Variants in PRKD1 observed in about 807,000 individuals in gnomAD.
The protein encoded by PRKD1 is protein kinase D1.
PRKD1 carries 63 observed loss-of-function variants against 95.9 expected under a neutral mutation model. That is an observed-to-expected ratio of 0.66 (90% CI 0.54 to 0.81). The LOEUF (loss-of-function observed/expected upper bound fraction) is 0.81, where lower values mean the gene tolerates loss of function less well. Ranked by LOEUF, PRKD1 falls within the 30% of genes least tolerant of loss-of-function variation. The pLI is 0.00. For missense variants in PRKD1, 1,048 were observed against 1,165.3 expected (o/e 0.90, Z 1.47); for synonymous variants, 425 against 423.1 (o/e 1.00, Z -0.05).
At chr14:29,761,658 A>C (rs1260534885) in intron 1 of PRKD1, among the ~76,000 whole-genome samples, 2 of 152,254 alleles carry the variant, frequency 1.3e-5, no homozygotes, top group Non-Finnish European at 2.9e-5. Context: ...TGGTCTAATA[A>C]GTAAAAAAGA....
chr14:29,629,157 G>C lies in PRKD1; in HGVS notation c.1673-64C>G, dbSNP rs1366872977. On this transcript the variant is annotated intron_variant, in intron 10 of 17. Transcript: ENST00000331968. ...AGTAAGAGATGTAATAGCAAAACAAGTAAGTACATGCTTACAAATCATCCT... is the reference window on the plus strand; with the variant it reads ...AGTAAGAGATGTAATAGCAAAACAACTAAGTACATGCTTACAAATCATCCT... The C allele has an allele frequency of 7.5e-6, 10 of 1,331,986 alleles. No homozygotes were observed. In the African/African-American group the frequency reaches 8.8e-5, roughly 12 times the overall value. The allele number at this position is 1,331,986 out of a possible 1,614,324, so 82.5% of individuals were successfully genotyped here. A position where few individuals can be genotyped will look rare whatever the true frequency, so the allele number is the denominator to read the frequency against.
intron 1 of PRKD1, among the ~76,000 whole-genome samples, chr14:29,749,823 A>G (rs1486081771): frequency 1.3e-5 from 2 of 152,242 alleles, no homozygotes; most frequent in African/African-American, 2.4e-5. Context: ...AATCTTATTT[A>G]ATCATAAATC....
At chr14:29,786,428 T>G (rs945511423) in intron 1 of PRKD1, among the ~76,000 whole-genome samples, 2 of 152,178 alleles carry the variant, frequency 1.3e-5, no homozygotes, top group Non-Finnish European at 2.9e-5. Context: ...TTAGTTCTTC[T>G]TTATAAGTTT....
chr14:29,920,026 AAGG>A (rs1212190260), intron 1 of PRKD1, among the ~76,000 whole-genome samples: 23 of 129,888 alleles, frequency 1.8e-4, no homozygotes, highest in Admixed American at 1.0e-3. Context: ...GGAAGGAAGG[AAGG>A]AAGGAAGGAA....
chr14:29,779,411 C>G lies in PRKD1; in HGVS notation c.265-53737G>C, dbSNP rs1416875645. 6.6e-5 allele frequency among the ~76,000 whole-genome samples: 10 copies of G among 152,184 alleles called. No individual in the cohort carries two copies. In the South Asian group the frequency reaches 2.1e-3, roughly 32 times the overall value. On this transcript the variant is annotated intron_variant, in intron 1 of 17. Transcript: ENST00000331968. ...CCCCATCGTCTCAGCCCCAAATCTC[C>G]TTAAGCTGATAAGCAACTTCAGCAA...
Position 29,638,615 on chromosome 14 carries a change from G to A in PRKD1, c.908-49C>T, listed in dbSNP as rs1434501307. 4 of 1,612,702 alleles carry A rather than the reference G, an allele frequency of 2.5e-6. No homozygotes were observed. The African/African-American group carries it at 4.0e-5, about 16-fold the overall frequency. On this transcript the variant is annotated intron_variant, in intron 5 of 17. Coordinates refer to ENST00000331968, the MANE Select transcript of PRKD1 (RefSeq NM_002742.3). ...AAACAAAATGAGAATTTGTCATAAAGAAAAGTGGTAACCAGAAAATACTTA... is the reference window on the plus strand; with the variant it reads ...AAACAAAATGAGAATTTGTCATAAAAAAAAGTGGTAACCAGAAAATACTTA...
intron 1 of PRKD1, among the ~76,000 whole-genome samples, chr14:29,779,196 A>G (rs1228411420): frequency 6.6e-6 from 1 of 152,220 alleles, no homozygotes; most frequent in Admixed American, 6.5e-5. Context: ...GAATGGGCAA[A>G]AACGGGAAGC....
At chr14:29,650,142 C>T (rs554800696) in intron 4 of PRKD1, among the ~76,000 whole-genome samples, 10 of 152,290 alleles carry the variant, frequency 6.6e-5, no homozygotes, top group African/African-American at 2.4e-4. Context: ...GAGCCACTCT[C>T]GTGTCCTGTC....
At chr14:29,591,428 T>C (rs945199502) in intron 16 of PRKD1, 2 of 152,144 alleles carry the variant, frequency 1.3e-5, no homozygotes, top group African/African-American at 4.8e-5. Flanking sequence ...CTATCAGCTG[T>C]AAGTTATTTC....
At chr14:29,752,517 T>A (rs899710714) in intron 1 of PRKD1, among the ~76,000 whole-genome samples, 27 of 152,012 alleles carry the variant, frequency 1.8e-4, no homozygotes, top group African/African-American at 6.5e-4. Context: ...TACAAGCACT[T>A]TTTATTTGCA....
At chr14:29,658,786 T>C (rs1382738041) in intron 4 of PRKD1, among the ~76,000 whole-genome samples, 1 of 152,228 alleles carries the variant, frequency 6.6e-6, no homozygotes, top group Non-Finnish European at 1.5e-5. Flanking sequence ...CCCAGAATGA[T>C]GTGGCATATT....
At chr14:29,700,378 C>T (rs940206773) in intron 2 of PRKD1, among the ~76,000 whole-genome samples, 10 of 152,136 alleles carry the variant, frequency 6.6e-5, no homozygotes, top group Non-Finnish European at 1.5e-4. Context: ...TATTATGTCT[C>T]TTAAATCTCT....
chr14:29,638,499 G>T lies in PRKD1; in HGVS notation c.975C>A (p.Thr325=). 1 of 1,614,010 alleles carries T rather than the reference G, an allele frequency of 6.2e-7. No individual in the cohort carries two copies. The highest frequency in any genetic ancestry group is 1.1e-5 in the South Asian group (1 of 91,078). ...KVPNNCLGEV[T]INGDLLSPGA... is the part of the protein sequence containing the mutation. ...TGATCTTTTACCTACCTCCATTAAT[G>T]GTCACTTCGCCAAGGCAGTTGTTTG... The change falls in exon 6 of 18, where the codon ACC becomes ACA. Residue 325 remains threonine (T), a synonymous_variant. Transcript: ENST00000331968.
chr14:29,782,659 T>C (rs1222244157), intron 1 of PRKD1, among the ~76,000 whole-genome samples: 2 of 152,102 alleles, frequency 1.3e-5, no homozygotes, highest in African/African-American at 2.4e-5. Context: ...ACCTCCCAAG[T>C]TGCCAGGACT....
In PRKD1 at chr14:29,927,424, C is replaced by T; in HGVS notation, c.89G>A (p.Gly30Glu). The T allele has an allele frequency of 6.9e-7, 1 of 1,446,694 alleles. No homozygotes were observed. Among genetic ancestry groups the T allele is most frequent in the Non-Finnish European group, 9.1e-7 (1 of 1,098,268 alleles). The allele number at this position is 1,446,694 out of a possible 1,614,324, so 89.6% of individuals were successfully genotyped here. ...GAACGGCGCGGGCCCGGGCCCGGAC[C>T]CTGGGACCAGTGCGGCGGCCGCTGC... is the stretch of plus-strand genomic sequence containing the variant. ...AAAAAAALVPGSGPGPAPFLA... is the reference protein window; with the variant it reads ...AAAAAAALVPESGPGPAPFLA... The change falls in exon 1 of 18, where the codon GGG becomes GAG. Residue 30 changes from glycine to glutamate, a missense_variant. Physicochemically the swap from Gly to Glu is moderately conservative, Grantham distance 98. Transcript: ENST00000331968.
intron 4 of PRKD1, among the ~76,000 whole-genome samples, chr14:29,639,816 T>C (rs958368780): frequency 6.6e-6 from 1 of 152,108 alleles, no homozygotes; most frequent in Non-Finnish European, 1.5e-5. Flanking sequence ...AGTGGATGTT[T>C]TGGATGTAAT....
chr14:29,866,402 A>C (rs1892909239), intron 1 of PRKD1, among the ~76,000 whole-genome samples: 2 of 152,208 alleles, frequency 1.3e-5, no homozygotes. Context: ...ACATGAGAAA[A>C]ATTCTCCTTA....
intron 1 of PRKD1, among the ~76,000 whole-genome samples, chr14:29,924,025 C>A (rs953250849): frequency 6.6e-6 from 1 of 152,056 alleles, no homozygotes; most frequent in Non-Finnish European, 1.5e-5. Flanking sequence ...TTTTACCCTC[C>A]TGAAAACAAT....
intron 1 of PRKD1, among the ~76,000 whole-genome samples, chr14:29,900,686 A>T (rs778004620): frequency 2.6e-5 from 4 of 152,196 alleles, no homozygotes; most frequent in Admixed American, 6.5e-5. Context: ...CATGAAATAC[A>T]ATTCTCTAAA....
Sources: gnomAD v4.1 joint callset for allele counts (sites outside exome capture counted in the v4.1 genomes callset) on GRCh38, gnomAD v4.1.1 for gene constraint, MANE v1.5 for transcripts, NCBI Gene and HGNC (gene_info 2026-07-23, HGNC 2026-07-21) for gene names.